SNX18: variants seen among roughly 807,000 people sequenced by gnomAD.
The protein encoded by SNX18 is sorting nexin 18, also known as sorting nexin-18.
SNX18 carries 35 observed loss-of-function variants against 48.7 expected under a neutral mutation model. The ratio of observed to expected loss-of-function variants is 0.72; its 90% CI spans 0.55 to 0.95. SNX18 has a LOEUF of 0.95. SNX18 is among the 40% of genes least tolerant of loss of function. The pLI, the probability that SNX18 is intolerant of heterozygous loss-of-function variation, is 0.00. For synonymous variants in SNX18, 492 were observed against 384.7 expected, an observed-to-expected ratio of 1.28 and a Z score of -3.26; for missense variants, 824 against 871.0, an observed-to-expected ratio of 0.95 and a Z score of 0.68.
At chr5:54,572,976 G>A in the SNX18 span, among the ~76,000 whole-genome samples, 1 of 150,294 alleles carries the variant, frequency 6.7e-6, no homozygotes, top group Non-Finnish European at 1.5e-5. Flanking sequence ...AATGTGGCTG[G>A]GACTTGCTGG....
At chr5:54,521,372 C>A (rs1056710705) in intron 1 of SNX18, among the ~76,000 whole-genome samples, 2 of 152,196 alleles carry the variant, frequency 1.3e-5, no homozygotes, top group African/African-American at 4.8e-5. Flanking sequence ...GTTCTAATAT[C>A]TATTTTGAGT....
chr5:54,631,825 G>A, the SNX18 span, among the ~76,000 whole-genome samples: 7 of 152,328 alleles, frequency 4.6e-5, no homozygotes, highest in East Asian at 1.2e-3. Flanking sequence ...TGATTATGTC[G>A]TACAAGTGAT....
At chr5:54,527,362 G>GT (rs1175380756) in intron 1 of SNX18, among the ~76,000 whole-genome samples, 4 of 151,862 alleles carry the variant, frequency 2.6e-5, no homozygotes. Flanking sequence ...GGGAGCCGGG[G>GT]GGGGGGGTCC....
chr5:54,570,252 C>T, the SNX18 span, among the ~76,000 whole-genome samples: 1 of 152,180 alleles, frequency 6.6e-6, no homozygotes, highest in Non-Finnish European at 1.5e-5. Context: ...CTGGCAACAC[C>T]AGAAGGTAGG....
At chr5:54,527,523 G>C (rs1475196457) in intron 1 of SNX18, among the ~76,000 whole-genome samples, 3 of 152,234 alleles carry the variant, frequency 2.0e-5, no homozygotes, top group African/African-American at 7.2e-5. Flanking sequence ...TGTCAGAACA[G>C]GGGTGGGGAG....
At chr5:54,566,580 C>T in the SNX18 span, among the ~76,000 whole-genome samples, 1 of 152,280 alleles carries the variant, frequency 6.6e-6, no homozygotes. Context: ...TTTATTTCTT[C>T]TTCATGTAGC....
chr5:54,605,603 A>G, the SNX18 span, among the ~76,000 whole-genome samples: 1 of 152,198 alleles, frequency 6.6e-6, no homozygotes, highest in Admixed American at 6.5e-5. Context: ...CCAGAATAGT[A>G]TTATTTTAAC....
the SNX18 span, among the ~76,000 whole-genome samples, chr5:54,598,026 C>G: frequency 2.6e-5 from 4 of 152,000 alleles, no homozygotes; most frequent in African/African-American, 9.7e-5. Context: ...AGAGAAGAAT[C>G]AAATAGACAC....
the SNX18 span, among the ~76,000 whole-genome samples, chr5:54,603,171 T>C: frequency 6.6e-6 from 1 of 151,560 alleles, no homozygotes; most frequent in African/African-American, 2.4e-5. Flanking sequence ...AATATATTAT[T>C]ATTATATGGC....
the SNX18 span, among the ~76,000 whole-genome samples, chr5:54,601,456 GTCTT>G: frequency 6.6e-6 from 1 of 152,180 alleles, no homozygotes. Context: ...CATGAGGAGA[GTCTT>G]TGTTTTACTG....
At chr5:54,596,022 C>T in the SNX18 span, among the ~76,000 whole-genome samples, 2 of 152,116 alleles carry the variant, frequency 1.3e-5, no homozygotes, top group South Asian at 2.1e-4. Context: ...CAAATCTCTT[C>T]TTGGCTACTA....
chr5:54,561,954 G>A, the SNX18 span, among the ~76,000 whole-genome samples: 7 of 152,292 alleles, frequency 4.6e-5, no homozygotes, highest in East Asian at 1.3e-3. Context: ...TTTACTTTCT[G>A]AGGAAGATTA....
At chr5:54,520,762 C>T (rs1223240918) in intron 1 of SNX18, 1 of 167,134 alleles carries the variant, frequency 6.0e-6, no homozygotes, top group Admixed American at 6.5e-5. Context: ...TCTCTCCTTC[C>T]CCTTCCAAAT....
the SNX18 span, among the ~76,000 whole-genome samples, chr5:54,590,175 T>C: frequency 1.3e-5 from 2 of 152,208 alleles, no homozygotes; most frequent in South Asian, 4.1e-4. Flanking sequence ...TCTTCCAATA[T>C]GTTTCAGTAG....
At chr5:54,628,738 G>C in the SNX18 span, among the ~76,000 whole-genome samples, 1 of 151,650 alleles carries the variant, frequency 6.6e-6, no homozygotes, top group East Asian at 1.9e-4. Context: ...CCTAGCTCCT[G>C]GAGTCTGGCC....
the SNX18 span, among the ~76,000 whole-genome samples, chr5:54,614,825 G>A: frequency 6.6e-6 from 1 of 152,048 alleles, no homozygotes; most frequent in Non-Finnish European, 1.5e-5. Context: ...AAAAGACATA[G>A]ACACTAAAAA....
Position 54,518,960 on chromosome 5 carries a change from C to G in SNX18, c.1008C>G (p.Pro336=), listed in dbSNP as rs199962057. 7 of 1,613,680 alleles carry G rather than the reference C, an allele frequency of 4.3e-6. No individual in the cohort carries two copies. Among genetic ancestry groups the G allele is most frequent in the Admixed American group, 1.7e-5 (1 of 60,030 alleles). Residue 336 remains proline, a synonymous_variant, in exon 1 of 2, where the codon CCC becomes CCG. Coordinates refer to ENST00000381410, the MANE Select transcript of SNX18 (RefSeq NM_001102575.2). ...CGGTCATCTCCGTGCCCCACCTGCC[C>G]GAGAAGCAGGCCACCGGCCGCTTCG... ...KFPVISVPHL[P]EKQATGRFEE...
At chr5:54,528,651 G>A (rs1295133954) in intron 1 of SNX18, among the ~76,000 whole-genome samples, 1 of 152,214 alleles carries the variant, frequency 6.6e-6, no homozygotes, top group Admixed American at 6.5e-5. Flanking sequence ...GTGAGGAGCT[G>A]TCACTGTACC....
At chr5:54,563,252 G>A in the SNX18 span, among the ~76,000 whole-genome samples, 1 of 152,150 alleles carries the variant, frequency 6.6e-6, no homozygotes, top group African/African-American at 2.4e-5. Flanking sequence ...GTACAGTAAT[G>A]TCCTAGGTCT....
Sources: allele counts gnomAD v4.1 joint callset (sites outside exome capture counted in the v4.1 genomes callset), GRCh38; gene constraint gnomAD v4.1.1; transcripts MANE v1.5; gene names NCBI Gene and HGNC (gene_info 2026-07-23, HGNC 2026-07-21).